The following OR1L8 variants were observed in gnomAD, a reference collection of about 807,000 sequenced individuals.
The protein encoded by OR1L8 is olfactory receptor family 1 subfamily L member 8.
For missense variants in OR1L8, 330 were observed against 377.4 expected, an observed-to-expected ratio of 0.87 and a Z score of 1.04; for synonymous variants, 148 against 147.0, an observed-to-expected ratio of 1.01 and a Z score of -0.05.
At chr9:122,553,939 C>T in the OR1L8 span, 5 of 1,613,844 alleles carry the variant, frequency 3.1e-6, no homozygotes, top group Non-Finnish European at 4.2e-6. Flanking sequence ...GCCTTCTCTA[C>T]CTGTGGTTCT....
chr9:122,575,580 T>A (rs7874625), intron 3 of OR1L8, among the ~76,000 whole-genome samples: 38,916 of 152,002 alleles, frequency 0.26, 5,456 homozygotes, highest in African/African-American at 0.32. Context: ...ATTTGTGTCC[T>A]CTGTCTTGTT....
At chr9:122,552,606 G>A in the OR1L8 span, among the ~76,000 whole-genome samples, 62,557 of 151,798 alleles carry the variant, frequency 0.41, 13,111 homozygotes, top group Middle Eastern at 0.46. Flanking sequence ...ACTGCCCTCA[G>A]CTCACATATC....
chr9:122,579,670 TA>T, intron 1 of OR1L8, among the ~76,000 whole-genome samples: 1 of 152,344 alleles, frequency 6.6e-6, no homozygotes, highest in South Asian at 2.1e-4. Flanking sequence ...TCTATATACA[TA>T]AGCATAAGGG....
At chr9:122,547,275 C>T in the OR1L8 span, among the ~76,000 whole-genome samples, 1 of 152,076 alleles carries the variant, frequency 6.6e-6, no homozygotes, top group African/African-American at 2.4e-5. Context: ...ACAGGACATT[C>T]TGAGGTTAAA....
chr9:122,553,778 G>A, the OR1L8 span: 1 of 1,613,980 alleles, frequency 6.2e-7, no homozygotes. Flanking sequence ...CTCTCCTGAA[G>A]CTTGCCTGCT....
At chr9:122,551,051 TGAGTA>T in the OR1L8 span, among the ~76,000 whole-genome samples, 45,679 of 151,948 alleles carry the variant, frequency 0.3, 7,367 homozygotes, top group East Asian at 0.54. Flanking sequence ...ATAAATGAAT[TGAGTA>T]AAGTTTCATG....
At chr9:122,576,350 T>C (rs1829656064) in intron 3 of OR1L8, among the ~76,000 whole-genome samples, 1 of 151,852 alleles carries the variant, frequency 6.6e-6, no homozygotes, top group African/African-American at 2.4e-5. Context: ...GCCTCCCAAG[T>C]AGCTGGGATT....
At chr9:122,565,460 G>A (rs1829412880), downstream of OR1L8, among the ~76,000 whole-genome samples, 1 of 152,172 alleles carries the variant, frequency 6.6e-6, no homozygotes, top group Admixed American at 6.5e-5. Flanking sequence ...GGCAGGGATG[G>A]AGGTTATGTA....
chr9:122,573,664 G>C (rs1829591562), intron 3 of OR1L8, among the ~76,000 whole-genome samples: 2 of 152,094 alleles, frequency 1.3e-5, no homozygotes, highest in Non-Finnish European at 1.5e-5. Context: ...GATATGTTTT[G>C]TGCAAATATT....
chr9:122,552,036 TACAC>T, the OR1L8 span, among the ~76,000 whole-genome samples: 8 of 123,968 alleles, frequency 6.5e-5, 1 homozygote, highest in African/African-American at 1.9e-4. Context: ...GTAGGACACA[TACAC>T]ACACACACAC....
chr9:122,553,592 G>A, the OR1L8 span: 1 of 1,613,908 alleles, frequency 6.2e-7, no homozygotes, highest in African/African-American at 1.3e-5. Context: ...ACCGCTATGT[G>A]GCCATCTGCC....
chr9:122,553,537 T>C, the OR1L8 span: 9 of 1,614,136 alleles, frequency 5.6e-6, no homozygotes, highest in South Asian at 1.1e-5. Flanking sequence ...TTCCTCCTTA[T>C]GTTTGGTGGC....
intron 4 of OR1L8, among the ~76,000 whole-genome samples, chr9:122,568,985 T>A (rs1829489779): frequency 6.7e-6 from 1 of 149,494 alleles, no homozygotes. Flanking sequence ...GATGGGGAGG[T>A]TTCAGGACAC....
the OR1L8 span, chr9:122,554,323 A>AG: frequency 3.1e-5 from 19 of 607,094 alleles, no homozygotes; most frequent in East Asian, 5.5e-4. Context: ...TTCTTTTATT[A>AG]GGCTGTGGAA....
chr9:122,570,459 T>G (rs1829525158), intron 4 of OR1L8, among the ~76,000 whole-genome samples: 1 of 152,250 alleles, frequency 6.6e-6, no homozygotes, highest in Admixed American at 6.5e-5. Flanking sequence ...ACTAAAAAAT[T>G]AAATGCTTAC....
chr9:122,583,298 A>C (rs76783789), intron 1 of OR1L8, 23 bp downstream of exon 1: 2 of 152,150 alleles, frequency 1.3e-5, no homozygotes, highest in Admixed American at 6.5e-5. Flanking sequence ...AAAAAAAAAA[A>C]CAGTAAAATA....
downstream of OR1L8, among the ~76,000 whole-genome samples, chr9:122,566,757 C>T (rs1341040): frequency 0.33 from 46,725 of 141,590 alleles, 8,034 homozygotes; most frequent in East Asian, 0.83. Flanking sequence ...AATAATATTT[C>T]TATAGGCTAG....
chr9:122,554,319 T>C, the OR1L8 span: 1 of 616,100 alleles, frequency 1.6e-6, no homozygotes, highest in African/African-American at 1.8e-5. Flanking sequence ...TTCATTCTTT[T>C]ATTAGGCTGT....
At chr9:122,553,103 C>A in the OR1L8 span, 1 of 1,142,290 alleles carries the variant, frequency 8.8e-7, no homozygotes, top group Non-Finnish European at 1.2e-6. Context: ...TTTTCTTTTT[C>A]TCCCAGCACA....
Sources: gnomAD v4.1 joint callset for allele counts (sites outside exome capture counted in the v4.1 genomes callset) on GRCh38, gnomAD v4.1.1 for gene constraint, MANE v1.5 for transcripts, NCBI Gene and HGNC (gene_info 2026-07-23, HGNC 2026-07-21) for gene names.